Variants in RANBP2 observed in about 807,000 individuals in gnomAD.
RANBP2 encodes the protein RAN binding protein 2.
RANBP2 carries 57 observed loss-of-function variants against 303.6 expected under a neutral mutation model. That is an observed-to-expected ratio of 0.19 (90% CI 0.15 to 0.23). The LOEUF (loss-of-function observed/expected upper bound fraction) is 0.23, where lower values mean the gene tolerates loss of function less well. RANBP2 is among the 10% of genes least tolerant of loss of function. The probability of loss-of-function intolerance (pLI) is 1.00; values close to 1 mark genes in which losing one functional copy is unlikely to be tolerated. For missense variants in RANBP2, 3,138 were observed against 3,780.8 expected (o/e 0.83, Z 4.46); for synonymous variants, 1,167 against 1,301.5 (o/e 0.90, Z 2.23).
chr2:108,866,683 G>A, the RANBP2 span, among the ~76,000 whole-genome samples: 2 of 152,264 alleles, frequency 1.3e-5, no homozygotes, highest in East Asian at 3.9e-4. Context: ...AGGAGTTTGA[G>A]ACCAGCCTAG....
chr2:108,828,738 GGA>G, the RANBP2 span, among the ~76,000 whole-genome samples: 1 of 152,130 alleles, frequency 6.6e-6, no homozygotes, highest in Non-Finnish European at 1.5e-5. Flanking sequence ...CAGCACTTTG[GGA>G]GGCTGAGGTG....
the RANBP2 span, among the ~76,000 whole-genome samples, chr2:109,527,991 C>T: frequency 5.9e-5 from 9 of 152,268 alleles, no homozygotes; most frequent in Admixed American, 3.3e-4. Flanking sequence ...GGCGGGAGGA[C>T]GGGTGGATAG....
the RANBP2 span, chr2:109,616,049 G>A: frequency 6.6e-7 from 1 of 1,509,634 alleles, no homozygotes; most frequent in Non-Finnish European, 8.8e-7. Flanking sequence ...TGAGACCAAA[G>A]TCCAATGTAT....
chr2:109,399,651 A>C, the RANBP2 span, among the ~76,000 whole-genome samples: 14 of 152,340 alleles, frequency 9.2e-5, no homozygotes, highest in African/African-American at 3.1e-4. Flanking sequence ...ATGATTAAAA[A>C]AATTTTTAAA....
At chr2:109,493,769 A>G in the RANBP2 span, among the ~76,000 whole-genome samples, 5 of 152,076 alleles carry the variant, frequency 3.3e-5, no homozygotes, top group Non-Finnish European at 1.5e-5. Context: ...CCAAACATGC[A>G]CTGCACACAC....
the RANBP2 span, among the ~76,000 whole-genome samples, chr2:109,434,467 A>G: frequency 3.9e-5 from 6 of 152,344 alleles, no homozygotes; most frequent in South Asian, 2.1e-4. Flanking sequence ...GCATTGGGAC[A>G]TCGCCTGGCC....
At chr2:109,028,285 A>T in the RANBP2 span, among the ~76,000 whole-genome samples, 2 of 152,170 alleles carry the variant, frequency 1.3e-5, no homozygotes, top group Non-Finnish European at 2.9e-5. Flanking sequence ...GAAATAAATA[A>T]AATAAAAACA....
At chr2:109,606,672 C>CTTTTTTT in the RANBP2 span, among the ~76,000 whole-genome samples, 74 of 71,908 alleles carry the variant, frequency 1.0e-3, no homozygotes, top group African/African-American at 1.6e-3. Context: ...AAATTTTAAG[C>CTTTTTTT]TTTTTTTTTT....
the RANBP2 span, chr2:109,605,025 G>C: frequency 6.6e-6 from 1 of 152,118 alleles, no homozygotes; most frequent in Non-Finnish European, 1.5e-5. Context: ...GAGCACCTTG[G>C]ATCCCTCAAA....
the RANBP2 span, among the ~76,000 whole-genome samples, chr2:109,640,619 G>A: frequency 8.6e-5 from 13 of 152,046 alleles, no homozygotes; most frequent in African/African-American, 2.2e-4. Context: ...AGGGCCTCGC[G>A]GGACTGCAGC....
the RANBP2 span, among the ~76,000 whole-genome samples, chr2:108,947,767 T>A: frequency 6.6e-6 from 1 of 152,148 alleles, no homozygotes; most frequent in Non-Finnish European, 1.5e-5. Flanking sequence ...CTCCCAGGCC[T>A]CCGGGTCTGT....
the RANBP2 span, among the ~76,000 whole-genome samples, chr2:109,447,076 G>A: frequency 7.0e-6 from 1 of 143,632 alleles, no homozygotes; most frequent in Non-Finnish European, 1.5e-5. Context: ...TGCTCTCCTT[G>A]TAAATGTGGA....
chr2:108,858,794 C>T, the RANBP2 span, among the ~76,000 whole-genome samples: 84 of 151,668 alleles, frequency 5.5e-4, no homozygotes, highest in African/African-American at 2.0e-3. Flanking sequence ...CAACTGAACT[C>T]GTCATTTAGG....
the RANBP2 span, among the ~76,000 whole-genome samples, chr2:109,299,170 G>A: frequency 2.6e-5 from 4 of 152,320 alleles, no homozygotes; most frequent in Non-Finnish European, 2.9e-5. Context: ...ACCTGCTCAC[G>A]GGGCCTCCTC....
the RANBP2 span, among the ~76,000 whole-genome samples, chr2:108,874,630 C>T: frequency 3.3e-5 from 5 of 152,218 alleles, no homozygotes; most frequent in Non-Finnish European, 5.9e-5. Context: ...AAATGCAATG[C>T]ATCTTGAAAT....
At position 108,765,491 on chromosome 2, in the gene RANBP2, G is replaced by A. The variant is rs1677054421; in HGVS notation, c.4952G>A (p.Ser1651Asn). ...TCAACACCTGCCTCTTCAGAGACAA[G>A]CAAGGCTCCAAAGAGCGGATTTGAG... ...AVSTPASSET[S>N]KAPKSGFEGM... is the part of the protein sequence containing the mutation. Residue 1651 changes from serine (S) to asparagine (N), a missense_variant, in exon 20 of 29, where the codon AGC becomes AAC. Ser to Asn is a conservative substitution (Grantham distance 46, BLOSUM62 1). Transcript: ENST00000283195. 6 of 1,564,454 alleles carry A rather than the reference G, an allele frequency of 3.8e-6. No homozygotes were observed. The South Asian group carries it at 6.8e-5, about 18-fold the overall frequency.
At chr2:109,579,142 T>C in the RANBP2 span, among the ~76,000 whole-genome samples, 2,725 of 152,304 alleles carry the variant, frequency 0.018, 75 homozygotes, top group African/African-American at 0.061. Flanking sequence ...AAGAGTACAT[T>C]ATCAATATAT....
chr2:109,161,124 A>AT, the RANBP2 span, among the ~76,000 whole-genome samples: 7 of 152,184 alleles, frequency 4.6e-5, no homozygotes, highest in African/African-American at 7.2e-5. Flanking sequence ...AGGCTTCCTG[A>AT]TGTATCCTTG....
chr2:108,972,358 A>G, the RANBP2 span, among the ~76,000 whole-genome samples: 1 of 152,368 alleles, frequency 6.6e-6, no homozygotes, highest in East Asian at 1.9e-4. Flanking sequence ...AAATCAAAAC[A>G]GGGGCAGGGC....
Sources: allele counts gnomAD v4.1 joint callset (sites outside exome capture counted in the v4.1 genomes callset), GRCh38; gene constraint gnomAD v4.1.1; transcripts MANE v1.5; gene names NCBI Gene and HGNC (gene_info 2026-07-23, HGNC 2026-07-21).